Variants in ESPNL observed in about 807,000 individuals in gnomAD.
The protein encoded by ESPNL is espin like.
In ESPNL, 49 loss-of-function variants were observed where a neutral mutation model predicts 46.8. The observed-to-expected ratio is 1.05, with a 90% confidence interval of 0.83 to 1.33. The LOEUF (loss-of-function observed/expected upper bound fraction) is 1.33, where lower values mean the gene tolerates loss of function less well. Among genes scored for constraint, ESPNL ranks in the 40% most tolerant of loss-of-function variants. ESPNL has a pLI of 0.00. For missense variants in ESPNL, 1,540 were observed against 1,436.6 expected (o/e 1.07, Z -1.16); for synonymous variants, 664 against 662.1 (o/e 1.00, Z -0.04).
rs142216421 is a variant in ESPNL, at chr2:238,112,606, T to G, written c.856-4297T>G. On this transcript the variant is annotated intron_variant, in intron 4 of 8. Transcript: ENST00000343063. ...GCCTACCTCACTTACTTTTCAACCTTTTTTCTTTTCTAATATATTTATTGA... is the reference window on the plus strand; with the variant it reads ...GCCTACCTCACTTACTTTTCAACCTGTTTTCTTTTCTAATATATTTATTGA... Among the ~76,000 whole-genome samples the G allele has an allele frequency of 4.9e-3, 746 of 152,336 alleles. 7 individuals are homozygous for G. Among genetic ancestry groups the G allele is most frequent in the African/African-American group, 0.017 (705 of 41,574 alleles).
intron 3 of ESPNL, among the ~76,000 whole-genome samples, chr2:238,105,947 G>A (rs1443046323): frequency 6.6e-6 from 1 of 152,072 alleles, no homozygotes; most frequent in African/African-American, 2.4e-5. Context: ...CGGGGCCTTT[G>A]CATGCACTGC....
At chr2:238,101,866 C>A in intron 1 of ESPNL, 75 bp from the exon 2 acceptor site, 1 of 1,152,414 alleles carries the variant, frequency 8.7e-7, no homozygotes. Flanking sequence ...AGCCCTCGCC[C>A]AGGGCCCACC....
In ESPNL at chr2:238,114,281, C is replaced by G. The variant is rs547385094; in HGVS notation, c.856-2622C>G. ...AGGGCTTTGCCCTCTCTCCCCAGCA[C>G]CATTTGGGGCCAGGTCTGACACTTG... On this transcript the variant is annotated intron_variant, in intron 4 of 8. Coordinates refer to ENST00000343063, the MANE Select transcript of ESPNL (RefSeq NM_194312.4). This position sits in a 1 kb window ranked among gnomAD's most constrained non-coding sequence, Gnocchi z 5.0. Among the ~76,000 whole-genome samples the G allele has an allele frequency of 3.9e-5, 6 of 152,106 alleles. No homozygotes were observed. Among genetic ancestry groups the G allele is most frequent in the African/African-American group, 1.4e-4 (6 of 41,412 alleles).
intron 2 of ESPNL, 123 bp downstream of exon 2, chr2:238,102,254 T>C: frequency 1.2e-6 from 1 of 856,350 alleles, no homozygotes; most frequent in Non-Finnish European, 1.8e-6. Flanking sequence ...CAGGCGGGCA[T>C]GCTGTCACTG....
rs895694466 is a variant in ESPNL at position 238,131,861 on chromosome 2, G to A, written c.*129G>A. On this transcript the variant is annotated 3_prime_UTR_variant, in exon 9 of 9. Coordinates refer to ENST00000343063, the MANE Select transcript of ESPNL (RefSeq NM_194312.4). ...GCTGCCTCCAGTCCTACCAGTTATCGGAGGCTGCGGGACTGTTCTGTTGTG... is the reference window on the plus strand; with the variant it reads ...GCTGCCTCCAGTCCTACCAGTTATCAGAGGCTGCGGGACTGTTCTGTTGTG... 4.9e-5 allele frequency: 48 copies of A among 976,146 alleles called. No individual in the cohort carries two copies. The Middle Eastern group carries it at 2.4e-3, about 50-fold the overall frequency. The allele number at this position is 976,146 out of a possible 1,614,324, so 60.5% of individuals were successfully genotyped here.
intron 5 of ESPNL, among the ~76,000 whole-genome samples, chr2:238,120,583 G>A (rs993569573): frequency 3.3e-5 from 5 of 152,252 alleles, no homozygotes; most frequent in Admixed American, 6.5e-5. Context: ...GCGCCTGGGC[G>A]CCCCCTGCCC....
chr2:238,102,190 G>A, intron 2 of ESPNL, 59 bp downstream of exon 2: 1 of 1,420,306 alleles, frequency 7.0e-7, no homozygotes, highest in Non-Finnish European at 9.4e-7. Context: ...CCAAGGGGAG[G>A]CTGCACCATG....
In ESPNL at chr2:238,131,569, C is replaced by T; in HGVS notation, c.2855C>T (p.Pro952Leu). ...GGTCTGACCCTGCTCGGGCCCCTGC[C>T]TCACGCCGCCGTCCCCTGCAGCGGC... ...KSGLTLLGPL[P>L]HAAVPCSGPE... Residue 952 changes from proline to leucine, a missense_variant, in exon 9 of 9, where the codon CCT becomes CTT. Coordinates refer to ENST00000343063, the MANE Select transcript of ESPNL (RefSeq NM_194312.4). 6.2e-7 allele frequency: 1 copy of T among 1,611,124 alleles called. No homozygotes were observed. Among genetic ancestry groups the T allele is most frequent in the Non-Finnish European group, 8.5e-7 (1 of 1,179,008 alleles).
intron 4 of ESPNL, among the ~76,000 whole-genome samples, chr2:238,109,206 C>T (rs769279906): frequency 1.3e-5 from 2 of 152,158 alleles, no homozygotes; most frequent in African/African-American, 4.8e-5. Context: ...GGGTAAGTGG[C>T]CCCTGGCCAG....
Position 238,107,750 on chromosome 2 carries a change from C to T in ESPNL, c.673-41C>T, listed in dbSNP as rs1344576300. 6 of 1,525,758 alleles carry T rather than the reference C, an allele frequency of 3.9e-6. No homozygotes were observed. In the East Asian group the frequency reaches 1.5e-4, roughly 37 times the overall value. 94.5% of individuals were successfully genotyped at this position (1,525,758 alleles called of 1,614,324 possible). ...GCCCCTCCCACTCTGTGTGCCTCCT[C>T]CCTGGGAGGATGGCTGCTCCCTCTG... On this transcript the variant is annotated intron_variant, in intron 3 of 8. Transcript: ENST00000343063.
chr2:238,119,355 GGTGGATGAAGGAC>G (rs1559263863), intron 5 of ESPNL, among the ~76,000 whole-genome samples: 1 of 149,776 alleles, frequency 6.7e-6, no homozygotes, highest in East Asian at 2.0e-4. Flanking sequence ...GAATGGAGGA[GGTGGATGAAGGAC>G]GTGGATGAAG....
intron 6 of ESPNL, among the ~76,000 whole-genome samples, chr2:238,127,105 T>TG (rs532499923): frequency 0.013 from 1,434 of 106,332 alleles, 10 homozygotes; most frequent in Middle Eastern, 0.029. Context: ...TCTGTGTCTG[T>TG]ATGTGATGTG....
At chr2:238,126,130 CTGTGTCTGTGTGAT>C (rs1010442238) in intron 6 of ESPNL, among the ~76,000 whole-genome samples, 3 of 148,780 alleles carry the variant, frequency 2.0e-5, no homozygotes, top group Admixed American at 6.7e-5. Flanking sequence ...TTGATTGTGT[CTGTGTCTGTGTGAT>C]TGTGTCTGTG....
In ESPNL at chr2:238,104,963, A is replaced by T. The variant is rs1003995736; in HGVS notation, c.672+121A>T. 5 of 888,382 alleles carry T rather than the reference A, an allele frequency of 5.6e-6. No homozygotes were observed. The African/African-American group carries it at 8.7e-5, about 15-fold the overall frequency. The allele number at this position is 888,382 out of a possible 1,614,324, so 55.0% of individuals were successfully genotyped here. A position where few individuals can be genotyped will look rare whatever the true frequency, so the allele number is the denominator to read the frequency against. On this transcript the variant is annotated intron_variant, in intron 3 of 8. Transcript: ENST00000343063. ...TGGGGACACGCAGGGCTGTTGGGGC[A>T]TCCGATGAGCTGGTCCATGGCTCCC...
chr2:238,129,022 C>T, intron 8 of ESPNL, 118 bp downstream of exon 8: 1 of 1,438,656 alleles, frequency 7.0e-7, no homozygotes, highest in South Asian at 1.5e-5. Flanking sequence ...GGGCCCCTCT[C>T]CTCTGTGGCC....
At chr2:238,125,743 C>T (rs892328891) in intron 6 of ESPNL, among the ~76,000 whole-genome samples, 2 of 150,158 alleles carry the variant, frequency 1.3e-5, no homozygotes, top group African/African-American at 4.9e-5. Context: ...TGTGGGCCAC[C>T]ACCATTAGGG....
rs1198199713 is a variant in ESPNL at position 238,107,895 on chromosome 2, G to C, written c.777G>C (p.Leu259=). The change falls in exon 4 of 9, where the codon CTG becomes CTC. Residue 259 remains leucine (L), a synonymous_variant. Coordinates refer to ENST00000343063, the MANE Select transcript of ESPNL (RefSeq NM_194312.4). ...GGHTPILDRL[L]LMGTPILRDS... is the part of the protein sequence containing the mutation. ...ACACGCCCATTCTAGACCGACTCCT[G>C]CTCATGGGTACCCCCATCCTGAGAG... 6.2e-7 allele frequency: 1 copy of C among 1,612,548 alleles called. No homozygotes were observed. The highest frequency in any genetic ancestry group is 1.1e-5 in the South Asian group (1 of 90,946).
chr2:238,101,997 A>G lies in ESPNL; in HGVS notation c.351A>G (p.Pro117=). Residue 117 remains proline (P), a synonymous_variant, in exon 2 of 9, where the codon CCA becomes CCG. Coordinates refer to ENST00000343063, the MANE Select transcript of ESPNL (RefSeq NM_194312.4). ...PLHLAARFGH[P]VLVEWLLHEG... ...ACCTGGCCGCCCGTTTTGGACACCC[A>G]GTGCTGGTGGAGTGGCTGCTCCACG... is the stretch of plus-strand genomic sequence containing the variant. 3 of 1,610,574 alleles carry G rather than the reference A, an allele frequency of 1.9e-6. No individual in the cohort carries two copies. Among genetic ancestry groups the G allele is most frequent in the East Asian group, 2.2e-5 (1 of 44,842 alleles).
chr2:238,116,936 C>T lies in ESPNL; in HGVS notation c.889C>T (p.Pro297Ser). Reference sequence around the variant, plus strand: ...GACCCTAGTCTCCCACCACGTGGACCCCTCCCTGCGGGATGAAGATGGTTA... The same window carrying T: ...GACCCTAGTCTCCCACCACGTGGACTCCTCCCTGCGGGATGAAGATGGTTA... The part of the protein sequence containing the change: ...CQTLVSHHVD[P>S]SLRDEDGYTA... Residue 297 changes from proline (P) to serine (S), a missense_variant, in exon 5 of 9, where the codon CCC becomes TCC. Pro to Ser is a moderately conservative substitution (Grantham distance 74). Coordinates refer to ENST00000343063, the MANE Select transcript of ESPNL (RefSeq NM_194312.4). 6.2e-7 allele frequency: 1 copy of T among 1,612,696 alleles called. No individual in the cohort carries two copies. The highest frequency in any genetic ancestry group is 2.2e-5 in the East Asian group (1 of 44,882).
Sources: gnomAD v4.1 joint callset for allele counts (sites outside exome capture counted in the v4.1 genomes callset) on GRCh38, gnomAD v4.1.1 for gene constraint, Gnocchi (gnomAD v3.1) non-coding constraint, MANE v1.5 for transcripts, NCBI Gene and HGNC (gene_info 2026-07-23, HGNC 2026-07-21) for gene names.